The following IP6K3 variants were observed in gnomAD, a reference collection of about 807,000 sequenced individuals.
IP6K3 encodes ATP:1D-myo-inositol-hexakisphosphate phosphotransferase.
IP6K3 carries 20 observed loss-of-function variants against 28.8 expected under a neutral mutation model. That is an observed-to-expected ratio of 0.70 (90% CI 0.49 to 1.01). IP6K3 has a LOEUF of 1.01. IP6K3 is among the 50% of genes least tolerant of loss of function. The probability of loss-of-function intolerance (pLI) is 0.00; values close to 1 mark genes in which losing one functional copy is unlikely to be tolerated. For missense variants in IP6K3, 480 were observed against 537.1 expected, an observed-to-expected ratio of 0.89 and a Z score of 1.05; for synonymous variants, 213 against 221.3, an observed-to-expected ratio of 0.96 and a Z score of 0.33.
At chr6:33,729,033 G>C (rs186831828) in intron 2 of IP6K3, among the ~76,000 whole-genome samples, 5 of 152,198 alleles carry the variant, frequency 3.3e-5, no homozygotes, top group African/African-American at 1.2e-4. Context: ...TCCTACCATC[G>C]GTGTTGGTCA....
At chr6:33,734,234 C>A (rs575748720) in intron 2 of IP6K3, among the ~76,000 whole-genome samples, 2 of 149,962 alleles carry the variant, frequency 1.3e-5, no homozygotes, top group African/African-American at 4.9e-5. Flanking sequence ...AAGAGAATTC[C>A]TGACCCTCAC....
chr6:33,727,800 A>C, intron 3 of IP6K3: 1 of 981,808 alleles, frequency 1.0e-6, no homozygotes, highest in Non-Finnish European at 1.2e-6. Flanking sequence ...TCAGTGAAAC[A>C]GATATTTAAT....
chr6:33,746,752 A>G lies in IP6K3; in HGVS notation c.-180+6T>C, dbSNP rs1359840172. The stretch of plus-strand genomic sequence containing the variant: ...TGCCCATCCCTGCCTACAAGGCAGC[A>G]CTCACCAGAGCTTCCTCCGAGATCG... On this transcript the variant is annotated splice_donor_region_variant and intron_variant, in intron 1 of 5. Transcript: ENST00000293756. The surrounding 1 kb of genome is among the most constrained non-coding windows in gnomAD (Gnocchi z 6.5). 1 of 152,144 alleles carries G rather than the reference A, an allele frequency of 6.6e-6. No homozygotes were observed. The highest frequency in any genetic ancestry group is 1.5e-5 in the Non-Finnish European group (1 of 68,078). The allele number at this position is 152,144 out of a possible 1,614,324, so 9.4% of individuals were successfully genotyped here.
chr6:33,750,300 C>T (rs534530180), upstream of IP6K3, among the ~76,000 whole-genome samples: 9 of 152,326 alleles, frequency 5.9e-5, no homozygotes, highest in East Asian at 1.7e-3. This position sits in a 1 kb window ranked among gnomAD's most constrained non-coding sequence, Gnocchi z 4.3. Flanking sequence ...CAAGTCACGT[C>T]ACTTTGCTGC....
At chr6:33,725,719 G>T in intron 4 of IP6K3, 103 bp from the exon 5 acceptor site, 1 of 1,036,598 alleles carries the variant, frequency 9.6e-7, no homozygotes, top group Non-Finnish European at 1.4e-6. Context: ...CCCTATTCTG[G>T]GCACCATTCT....
chr6:33,725,415 C>T (rs7449640), intron 5 of IP6K3, 26 bp downstream of exon 5: 4 of 1,593,828 alleles, frequency 2.5e-6, no homozygotes, highest in South Asian at 1.1e-5. Context: ...GATGTCCCCC[C>T]CTGTGGTGGG....
chr6:33,723,223 G>T, intron 5 of IP6K3, 36 bp from the exon 6 acceptor site: 1 of 1,411,510 alleles, frequency 7.1e-7, no homozygotes, highest in East Asian at 2.3e-5. Context: ...TGTGAAGATT[G>T]GAAACTTAAA....
upstream of IP6K3, among the ~76,000 whole-genome samples, chr6:33,747,696 G>A (rs1179179268): frequency 1.3e-5 from 2 of 152,146 alleles, no homozygotes; most frequent in African/African-American, 2.4e-5. The surrounding 1 kb of genome is among the most constrained non-coding windows in gnomAD (Gnocchi z 5.2). Context: ...TCAGGGAGGT[G>A]GAAGCTGCAG....
At chr6:33,731,372 A>T (rs887488940) in intron 2 of IP6K3, among the ~76,000 whole-genome samples, 1 of 152,220 alleles carries the variant, frequency 6.6e-6, no homozygotes, top group Non-Finnish European at 1.5e-5. Flanking sequence ...CTGGAGGGAC[A>T]GGAAGCGTGA....
At chr6:33,724,789 C>T (rs1766033741) in intron 5 of IP6K3, among the ~76,000 whole-genome samples, 1 of 152,218 alleles carries the variant, frequency 6.6e-6, no homozygotes, top group Non-Finnish European at 1.5e-5. Flanking sequence ...TCTCTTAGTC[C>T]TTACCCCAGC....
At position 33,723,069 on chromosome 6, in the gene IP6K3, C is replaced by T. The variant is rs199514412; in HGVS notation, c.884G>A (p.Arg295Gln). Residue 295 changes from arginine (R) to glutamine (Q), a missense_variant, in exon 6 of 6, where the codon CGG (arginine) becomes CAG (glutamine). Coordinates refer to ENST00000293756, the MANE Select transcript of IP6K3 (RefSeq NM_054111.5). ...CAGGATGGGCTCCAGGAGCTCCCTC[C>T]GGAGGTGGCTTCCATTATGTAGGAA... ...YQFLHNGSHL[R>Q]RELLEPILHQ... The T allele has an allele frequency of 3.2e-5, 51 of 1,614,034 alleles. No individual in the cohort carries two copies. The highest frequency in any genetic ancestry group is 9.9e-5 in the South Asian group (9 of 91,086).
intron 2 of IP6K3, 87 bp downstream of exon 2, chr6:33,735,191 C>T (rs1439003300): frequency 6.0e-6 from 7 of 1,171,520 alleles, no homozygotes; most frequent in Non-Finnish European, 7.4e-6. Flanking sequence ...CACACACCCA[C>T]ACCACAGGAG....
chr6:33,725,097 T>C (rs1766047063), intron 5 of IP6K3, among the ~76,000 whole-genome samples: 1 of 151,576 alleles, frequency 6.6e-6, no homozygotes, highest in Admixed American at 6.6e-5. Context: ...GGCGTGGGGG[T>C]GGGCACCTGT....
At chr6:33,743,304 C>T (rs1013911307) in intron 1 of IP6K3, among the ~76,000 whole-genome samples, 3 of 152,308 alleles carry the variant, frequency 2.0e-5, no homozygotes, top group African/African-American at 4.8e-5. Context: ...ATGTGGCAGA[C>T]GGCAAAGCAG....
At chr6:33,735,252 C>A in intron 2 of IP6K3, 26 bp downstream of exon 2, 2 of 1,601,270 alleles carry the variant, frequency 1.2e-6, no homozygotes, top group Non-Finnish European at 1.7e-6. Context: ...AGCACCCAGA[C>A]GTGGCCTGGC....
At chr6:33,750,945 T>C (rs1408629375), upstream of IP6K3, among the ~76,000 whole-genome samples, 1 of 152,162 alleles carries the variant, frequency 6.6e-6, no homozygotes, top group East Asian at 1.9e-4. The surrounding 1 kb of genome is among the most constrained non-coding windows in gnomAD (Gnocchi z 4.3). Flanking sequence ...AGTGTAAACA[T>C]GGGTGGCGGC....
At chr6:33,730,169 G>A (rs923572607) in intron 2 of IP6K3, among the ~76,000 whole-genome samples, 5 of 152,182 alleles carry the variant, frequency 3.3e-5, no homozygotes, top group African/African-American at 1.2e-4. Context: ...CTCAGAGTAA[G>A]TGGCAATTTC....
intron 2 of IP6K3, among the ~76,000 whole-genome samples, chr6:33,730,719 C>G (rs111280183): frequency 6.6e-6 from 1 of 151,888 alleles, no homozygotes; most frequent in South Asian, 2.1e-4. Context: ...CGCCTAGGCT[C>G]GGAGAGATGG....
At chr6:33,732,859 C>T (rs1204618851) in intron 2 of IP6K3, among the ~76,000 whole-genome samples, 1 of 152,240 alleles carries the variant, frequency 6.6e-6, no homozygotes, top group African/African-American at 2.4e-5. Context: ...GGACTCTTCC[C>T]ATCTACGAGC....
Sources: allele counts gnomAD v4.1 joint callset (sites outside exome capture counted in the v4.1 genomes callset), GRCh38; gene constraint gnomAD v4.1.1; non-coding constraint Gnocchi (gnomAD v3.1); transcripts MANE v1.5; gene names NCBI Gene and HGNC (gene_info 2026-07-23, HGNC 2026-07-21).